Variants in PTGFRN observed in about 807,000 individuals in gnomAD.
PTGFRN encodes the protein prostaglandin F2 receptor negative regulator.
Under a neutral mutation model 83.2 loss-of-function variants are expected in PTGFRN, and 35 were observed. That is an observed-to-expected ratio of 0.42 (90% CI 0.32 to 0.56). The LOEUF is 0.56. Among genes scored for constraint, PTGFRN ranks in the 20% least tolerant of loss-of-function variants. PTGFRN has a pLI of 0.11. For missense variants in PTGFRN, 1,051 were observed against 1,179.5 expected, an observed-to-expected ratio of 0.89 and a Z score of 1.60; for synonymous variants, 519 against 498.6, an observed-to-expected ratio of 1.04 and a Z score of -0.55.
chr1:116,925,166 A>G (rs1403853844), intron 1 of PTGFRN, among the ~76,000 whole-genome samples: 1 of 152,132 alleles, frequency 6.6e-6, no homozygotes, highest in Non-Finnish European at 1.5e-5. Context: ...AGTGGCTTAC[A>G]CCTGTAATCC....
chr1:116,933,420 A>T (rs1038534265), intron 1 of PTGFRN, among the ~76,000 whole-genome samples: 3 of 152,112 alleles, frequency 2.0e-5, no homozygotes, highest in African/African-American at 7.2e-5. Flanking sequence ...TTTTTCTGCT[A>T]TTGATGTCAT....
chr1:116,913,621 T>G (rs915549670), intron 1 of PTGFRN, among the ~76,000 whole-genome samples: 5 of 152,200 alleles, frequency 3.3e-5, no homozygotes, highest in Admixed American at 2.0e-4. Context: ...TGTTCCCTAC[T>G]CTGATTGTTT....
chr1:116,966,990 A>G lies in PTGFRN; in HGVS notation c.1719A>G (p.Val573=), dbSNP rs769410768. The G allele has an allele frequency of 1.9e-6, 3 of 1,614,128 alleles. No homozygotes were observed. Among genetic ancestry groups the G allele is most frequent in the East Asian group, 4.5e-5 (2 of 44,888 alleles). ...ATACATTTGAGATGACTTGCAAAGTATCTTCCAAGAATATTAAGTCGCCAC... is the reference window on the plus strand; with the variant it reads ...ATACATTTGAGATGACTTGCAAAGTGTCTTCCAAGAATATTAAGTCGCCAC... ...AGNTFEMTCK[V]SSKNIKSPRY... is the part of the protein sequence containing the mutation. Residue 573 remains valine (V), a synonymous_variant, in exon 6 of 9, where the codon GTA becomes GTG. Coordinates refer to ENST00000393203, the MANE Select transcript of PTGFRN (RefSeq NM_020440.4).
intron 6 of PTGFRN, 59 bp downstream of exon 6, chr1:116,967,389 T>A: frequency 6.7e-7 from 1 of 1,494,994 alleles, no homozygotes; most frequent in African/African-American, 1.4e-5. Flanking sequence ...AGGGTTTTGA[T>A]CAGATGCCCT....
intron 7 of PTGFRN, among the ~76,000 whole-genome samples, chr1:116,980,303 T>G (rs934114054): frequency 3.3e-5 from 5 of 152,194 alleles, no homozygotes; most frequent in African/African-American, 1.2e-4. Context: ...GAAGACAGTG[T>G]GGCGATTCCT....
At chr1:116,946,973 C>T (rs1347206078) in intron 3 of PTGFRN, among the ~76,000 whole-genome samples, 1 of 152,158 alleles carries the variant, frequency 6.6e-6, no homozygotes, top group Non-Finnish European at 1.5e-5. Flanking sequence ...TAGTTCCAGA[C>T]ACAGGTAATA....
At chr1:116,985,397 G>A (rs1651435651) in intron 8 of PTGFRN, among the ~76,000 whole-genome samples, 1 of 152,084 alleles carries the variant, frequency 6.6e-6, no homozygotes, top group Admixed American at 6.5e-5. Flanking sequence ...CACTGGTTTT[G>A]CTTCTTAAGA....
rs1472563173 is a variant in PTGFRN at position 116,910,226 on chromosome 1, C to T, written c.23C>T (p.Pro8Leu). 2.4e-5 allele frequency: 35 copies of T among 1,455,780 alleles called. 1 individual carries two copies. The South Asian group carries it at 2.8e-4, about 11-fold the overall frequency. 90.2% of individuals were successfully genotyped at this position (1,455,780 alleles called of 1,614,324 possible). Residue 8 changes from proline to leucine, a missense_variant, in exon 1 of 9, where the codon CCG becomes CTG. By Grantham distance (98) the Pro-to-Leu change is moderately conservative. This residue lies in a region of PTGFRN where 127 missense variants were observed against 168.4 expected (regional missense o/e 0.75). Transcript: ENST00000393203. Reference sequence around the variant, plus strand: ...AGCATGGGGCGCCTGGCCTCGAGGCCGCTGCTGCTGGCGCTCCTGTCGTTG... The same window carrying T: ...AGCATGGGGCGCCTGGCCTCGAGGCTGCTGCTGCTGGCGCTCCTGTCGTTG... Reference protein sequence around the residue: MGRLASRPLLLALLSLAL... With the variant: MGRLASRLLLLALLSLAL...
chr1:116,948,038 C>T (rs75805237), intron 3 of PTGFRN, among the ~76,000 whole-genome samples: 24,319 of 152,158 alleles, frequency 0.16, 2,296 homozygotes, highest in African/African-American at 0.26. Context: ...CCAAGGAGCA[C>T]GGGCTTTGGA....
At position 116,923,676 on chromosome 1, in the gene PTGFRN, C is replaced by T. The variant is rs753661727; in HGVS notation, c.49+13424C>T. ...ACTTCTTCAGTCCCAGTGTATGCGT[C>T]GAGTGCCTCGTGGCTGGGTTCATTC... On this transcript the variant is annotated intron_variant, in intron 1 of 8. Transcript: ENST00000393203. The surrounding 1 kb of genome is among the most constrained non-coding windows in gnomAD (Gnocchi z 4.0). Among the ~76,000 whole-genome samples, 3 of 152,124 alleles carry T rather than the reference C, an allele frequency of 2.0e-5. No individual in the cohort carries two copies. Among genetic ancestry groups the T allele is most frequent in the East Asian group, 1.9e-4 (1 of 5,186 alleles).
chr1:116,949,342 C>T lies in PTGFRN; in HGVS notation c.983C>T (p.Ser328Phe). 5.0e-6 allele frequency: 8 copies of T among 1,614,280 alleles called. No homozygotes were observed. Among genetic ancestry groups the T allele is most frequent in the Non-Finnish European group, 5.9e-6 (7 of 1,180,048 alleles). Residue 328 changes from serine (S) to phenylalanine (F), a missense_variant, in exon 4 of 9, where the codon TCC (serine) becomes TTC (phenylalanine). Transcript: ENST00000393203. ...SRMPDSTLPGSRVLARLDRDS... is the reference protein window; with the variant it reads ...SRMPDSTLPGFRVLARLDRDS... Reference sequence around the variant, plus strand: ...ATGCCTGACAGCACCCTACCTGGCTCCCGCGTGTTGGCGCGGCTTGACCGT... The same window carrying T: ...ATGCCTGACAGCACCCTACCTGGCTTCCGCGTGTTGGCGCGGCTTGACCGT...
Position 116,986,807 on chromosome 1 carries a change from A to G in PTGFRN, c.2480A>G (p.Asn827Ser), listed in dbSNP as rs772647595. 1 of 1,614,064 alleles carries G rather than the reference A, an allele frequency of 6.2e-7. No individual in the cohort carries two copies. Among genetic ancestry groups the G allele is most frequent in the Admixed American group, 1.7e-5 (1 of 60,034 alleles). The change falls in exon 9 of 9, where the codon AAC becomes AGC. Residue 827 changes from asparagine to serine, a missense_variant. This residue lies in a region of PTGFRN where 719 missense variants were observed against 836.6 expected (regional missense o/e 0.86). Coordinates refer to ENST00000393203, the MANE Select transcript of PTGFRN (RefSeq NM_020440.4). ...TTTGATCTCTCCCTCCCAGTGCTGA[A>G]CGCCTTCAAGTATCCCTTGCTGATC... Reference protein sequence around the residue: ...VFITVKMDVLNAFKYPLLIGV... With the variant: ...VFITVKMDVLSAFKYPLLIGV...
chr1:116,960,010 C>T (rs1228256679), intron 4 of PTGFRN, among the ~76,000 whole-genome samples: 2 of 152,054 alleles, frequency 1.3e-5, no homozygotes, highest in Non-Finnish European at 2.9e-5. Context: ...GTAGCCTTTT[C>T]TAAAAGCCTG....
rs1176674733 is a variant in PTGFRN, at chr1:116,941,301, CT to C, written c.50-413del. 1.3e-5 allele frequency among the ~76,000 whole-genome samples: 2 copies of C among 152,166 alleles called. No individual in the cohort carries two copies. Among genetic ancestry groups the C allele is most frequent in the Non-Finnish European group, 2.9e-5 (2 of 68,024 alleles). On this transcript the variant is annotated intron_variant, in intron 1 of 8. Coordinates refer to ENST00000393203, the MANE Select transcript of PTGFRN (RefSeq NM_020440.4). The surrounding 1 kb of genome is among the most constrained non-coding windows in gnomAD (Gnocchi z 5.0). ...TCTCAGGAGCCCCAGGGAATGGTCT[CT>C]AGGGATGAGGGCTGATGGCTGGGCA...
At chr1:116,965,632 A>G (rs1333719338) in intron 5 of PTGFRN, among the ~76,000 whole-genome samples, 1 of 151,784 alleles carries the variant, frequency 6.6e-6, no homozygotes, top group African/African-American at 2.4e-5. Context: ...GTCCCTGATC[A>G]CTCTATTTAC....
chr1:116,956,933 A>G (rs751058487), intron 4 of PTGFRN, among the ~76,000 whole-genome samples: 19 of 152,064 alleles, frequency 1.2e-4, no homozygotes, highest in Non-Finnish European at 2.2e-4. Context: ...AGGAGGTAGA[A>G]TGTGCGAGAC....
chr1:116,980,712 G>A (rs956297173), intron 7 of PTGFRN, among the ~76,000 whole-genome samples: 1 of 152,150 alleles, frequency 6.6e-6, no homozygotes, highest in Non-Finnish European at 1.5e-5. Context: ...TCGTGGGGTC[G>A]GGTTAGAGGG....
rs1388764071 is a variant in PTGFRN at position 116,944,881 on chromosome 1, G to C, written c.621G>C (p.Pro207=). Residue 207 remains proline (P), a synonymous_variant, in exon 3 of 9, where the codon CCG becomes CCC. Transcript: ENST00000393203. ...LALTHEGRFH[P]GLGYEQRYHS... is the part of the protein sequence containing the mutation. Reference sequence around the variant, plus strand: ...TGACCCACGAGGGCAGGTTCCACCCGGGCCTGGGGTACGAGCAGCGCTACC... The same window carrying C: ...TGACCCACGAGGGCAGGTTCCACCCCGGCCTGGGGTACGAGCAGCGCTACC... 6 of 1,609,076 alleles carry C rather than the reference G, an allele frequency of 3.7e-6. No homozygotes were observed.
Position 116,984,626 on chromosome 1 carries a change from A to C in PTGFRN, c.2168-54A>C, listed in dbSNP as rs754419341. 5.8e-6 allele frequency: 9 copies of C among 1,553,314 alleles called. No homozygotes were observed. The South Asian group carries it at 7.2e-5, about 12-fold the overall frequency. On this transcript the variant is annotated intron_variant, in intron 7 of 8. Transcript: ENST00000393203. ...GCCTCATACATGGATGTGGCCATAC[A>C]TATGACTTCTGCCCATTGCACTGAC... is the stretch of plus-strand genomic sequence containing the variant.
Sources: gnomAD v4.1 joint callset for allele counts (sites outside exome capture counted in the v4.1 genomes callset) on GRCh38, gnomAD v4.1.1 for gene constraint, gnomAD v4.1.1 regional missense constraint, Gnocchi (gnomAD v3.1) non-coding constraint, MANE v1.5 for transcripts, NCBI Gene and HGNC (gene_info 2026-07-23, HGNC 2026-07-21) for gene names.